MYO16: variants seen among roughly 807,000 people sequenced by gnomAD.
The protein encoded by MYO16 is unconventional myosin-XVI.
MYO16 carries 94 observed loss-of-function variants against 205.3 expected under a neutral mutation model. That is an observed-to-expected ratio of 0.46 (90% CI 0.39 to 0.54). The LOEUF is 0.54. Among genes scored for constraint, MYO16 ranks in the 20% least tolerant of loss-of-function variants. The probability of loss-of-function intolerance (pLI) is 0.00; values close to 1 mark genes in which losing one functional copy is unlikely to be tolerated. For synonymous variants in MYO16, 988 were observed against 954.0 expected (o/e 1.04, Z -0.66); for missense variants, 2,315 against 2,387.5 (o/e 0.97, Z 0.63).
At chr13:108,502,317 T>G in the MYO16 span, among the ~76,000 whole-genome samples, 4 of 152,220 alleles carry the variant, frequency 2.6e-5, no homozygotes, top group African/African-American at 4.8e-5. Context: ...TGATGTCATA[T>G]TTGTTTCTTA....
intron 33 of MYO16, among the ~76,000 whole-genome samples, chr13:109,172,492 A>C (rs1033659236): frequency 6.6e-6 from 1 of 152,230 alleles, no homozygotes; most frequent in Non-Finnish European, 1.5e-5. Flanking sequence ...GAAAAGGAAT[A>C]GATTGAAATG....
intron 16 of MYO16, among the ~76,000 whole-genome samples, chr13:108,936,391 T>G (rs1040103354): frequency 3.3e-5 from 5 of 152,072 alleles, no homozygotes; most frequent in African/African-American, 1.2e-4. Flanking sequence ...ATTATAGATT[T>G]AATTTCAGAA....
chr13:109,096,119 T>G (rs1002176117), intron 27 of MYO16, among the ~76,000 whole-genome samples: 10 of 152,182 alleles, frequency 6.6e-5, no homozygotes, highest in Non-Finnish European at 1.3e-4. Context: ...ACAAACTCCA[T>G]GGCTTAAAGC....
chr13:108,584,463 T>C, the MYO16 span, among the ~76,000 whole-genome samples: 416 of 152,316 alleles, frequency 2.7e-3, 4 homozygotes, highest in African/African-American at 9.5e-3. Flanking sequence ...CATTTATCTT[T>C]CTTTGTGTTG....
the MYO16 span, among the ~76,000 whole-genome samples, chr13:108,531,927 C>G: frequency 6.6e-6 from 1 of 152,144 alleles, no homozygotes; most frequent in Non-Finnish European, 1.5e-5. Context: ...AAGCAGAAGG[C>G]CCGGCCTGGT....
intron 1 of MYO16, among the ~76,000 whole-genome samples, chr13:108,620,505 G>C (rs976828923): frequency 3.9e-5 from 6 of 152,166 alleles, no homozygotes; most frequent in Admixed American, 2.0e-4. Context: ...AAGTCTGTGG[G>C]TGGAACTTCT....
intron 11 of MYO16, among the ~76,000 whole-genome samples, chr13:108,856,616 T>C (rs2139103621): frequency 6.7e-6 from 1 of 150,248 alleles, no homozygotes; most frequent in Non-Finnish European, 1.5e-5. Context: ...CATTTTTTCA[T>C]CTTTTTTCCC....
the MYO16 span, among the ~76,000 whole-genome samples, chr13:108,498,323 T>TG: frequency 6.6e-6 from 1 of 152,146 alleles, no homozygotes; most frequent in Non-Finnish European, 1.5e-5. Context: ...TAGGTAATTT[T>TG]TTTTTCAAGA....
rs76538255 is a variant in MYO16, at chr13:108,787,921, C to A, written c.616+2178C>A. Among the ~76,000 whole-genome samples the A allele has an allele frequency of 4.1e-3, 618 of 152,300 alleles. 3 individuals carry two copies. The highest frequency in any genetic ancestry group is 0.013 in the African/African-American group (560 of 41,560). ...TCCCACTATCTCCATCATCTGCCGC[C>A]ATTCCCAGTAAATACTGTCTAATTC... On this transcript the variant is annotated intron_variant, in intron 5 of 34. Coordinates refer to ENST00000457511, the MANE Select transcript of MYO16 (RefSeq NM_001198950.3).
At chr13:108,988,597 C>A (rs1471714710) in intron 20 of MYO16, among the ~76,000 whole-genome samples, 1 of 152,028 alleles carries the variant, frequency 6.6e-6, no homozygotes, top group African/African-American at 2.4e-5. Flanking sequence ...ATGATTTTGC[C>A]CACCCACACA....
At chr13:108,890,802 G>T (rs771336169) in intron 14 of MYO16, among the ~76,000 whole-genome samples, 3 of 152,146 alleles carry the variant, frequency 2.0e-5, no homozygotes, top group Non-Finnish European at 4.4e-5. Flanking sequence ...AATCAGCATG[G>T]CCTGGCATTC....
At chr13:108,848,585 G>C (rs906864405) in intron 10 of MYO16, among the ~76,000 whole-genome samples, 1 of 152,130 alleles carries the variant, frequency 6.6e-6, no homozygotes, top group Non-Finnish European at 1.5e-5. Context: ...AGGATTGCTT[G>C]AGGCCAGCAG....
At chr13:109,188,862 C>T (rs1879794340) in intron 34 of MYO16, among the ~76,000 whole-genome samples, 1 of 151,990 alleles carries the variant, frequency 6.6e-6, no homozygotes, top group African/African-American at 2.4e-5. Context: ...GGGAGGCCGA[C>T]TTGGGTGGAT....
intron 6 of MYO16, among the ~76,000 whole-genome samples, chr13:108,803,774 A>G (rs1352872431): frequency 6.6e-6 from 1 of 152,150 alleles, no homozygotes; most frequent in African/African-American, 2.4e-5. Flanking sequence ...AATATGCCAC[A>G]TTTACCAAAC....
intron 16 of MYO16, among the ~76,000 whole-genome samples, chr13:108,949,008 G>A (rs1438297001): frequency 6.6e-6 from 1 of 152,194 alleles, no homozygotes; most frequent in East Asian, 1.9e-4. Flanking sequence ...AAATGGATGA[G>A]TTAATTAGAA....
At chr13:108,884,547 C>T (rs1209564982) in intron 13 of MYO16, among the ~76,000 whole-genome samples, 1 of 152,138 alleles carries the variant, frequency 6.6e-6, no homozygotes, top group African/African-American at 2.4e-5. Flanking sequence ...GGGGCTTCTG[C>T]CCATTCTAGG....
At position 109,162,163 on chromosome 13, in the gene MYO16, CT is replaced by C. The variant is rs1878418338; in HGVS notation, c.5165-2735del. Among the ~76,000 whole-genome samples, 1 of 152,172 alleles carries C rather than the reference CT, an allele frequency of 6.6e-6. No homozygotes were observed. Among genetic ancestry groups the C allele is most frequent in the Non-Finnish European group, 1.5e-5 (1 of 68,026 alleles). Reference sequence around the variant, plus strand: ...ATTGAAAAATAGAAATACGTTTAAACTTTAATTGCAAAAATGAGAATTTTGG... The same window carrying C: ...ATTGAAAAATAGAAATACGTTTAAACTTAATTGCAAAAATGAGAATTTTGG... On this transcript the variant is annotated intron_variant, in intron 32 of 34. Transcript: ENST00000457511. This position sits in a 1 kb window ranked among gnomAD's most constrained non-coding sequence, Gnocchi z 4.6.
intron 34 of MYO16, among the ~76,000 whole-genome samples, chr13:109,196,239 A>G (rs761421945): frequency 2.6e-5 from 4 of 152,204 alleles, no homozygotes; most frequent in Non-Finnish European, 5.9e-5. Context: ...TCTAAATTTC[A>G]AATCACCAAG....
chr13:109,180,953 A>G (rs1879427238), intron 34 of MYO16, among the ~76,000 whole-genome samples: 1 of 152,200 alleles, frequency 6.6e-6, no homozygotes, highest in Non-Finnish European at 1.5e-5. Context: ...ACGCTGGGCC[A>G]TCTGACATCC....
Sources: gnomAD v4.1 joint callset for allele counts (sites outside exome capture counted in the v4.1 genomes callset) on GRCh38, gnomAD v4.1.1 for gene constraint, Gnocchi (gnomAD v3.1) non-coding constraint, MANE v1.5 for transcripts, NCBI Gene and HGNC (gene_info 2026-07-23, HGNC 2026-07-21) for gene names.